SI: variants seen among roughly 807,000 people sequenced by gnomAD.
SI encodes sucrase-isomaltase, intestinal.
Under a neutral mutation model 253.3 loss-of-function variants are expected in SI, and 235 were observed. The ratio of observed to expected loss-of-function variants is 0.93; its 90% CI spans 0.83 to 1.03. The LOEUF is 1.03. SI is among the 50% of genes least tolerant of loss of function. The pLI is 0.00. For synonymous variants in SI, 819 were observed against 712.0 expected (o/e 1.15, Z -2.39); for missense variants, 2,442 against 2,211.1 (o/e 1.10, Z -2.09).
rs140287192 is a variant in SI at position 164,998,622 on chromosome 3, C to T, written c.4458G>A (p.Thr1486=). The part of the protein sequence containing the change: ...GKRGIVISRS[T]YPTSGRWGGH... ...CTCCCCATCGTCCACTAGTAGGATACGTGGAACGAGAAATTACAATCCCTC... is the reference window on the plus strand; with the variant it reads ...CTCCCCATCGTCCACTAGTAGGATATGTGGAACGAGAAATTACAATCCCTC... The change falls in exon 38 of 48, where the codon ACG becomes ACA. Residue 1486 remains threonine, a synonymous_variant. Coordinates refer to ENST00000264382, the MANE Select transcript of SI (RefSeq NM_001041.4). 1.1e-4 allele frequency: 173 copies of T among 1,609,586 alleles called. No individual in the cohort carries two copies. The highest frequency in any genetic ancestry group is 1.7e-4 in the Middle Eastern group (1 of 6,042).
intron 3 of SI, among the ~76,000 whole-genome samples, chr3:165,069,727 T>C (rs942243254): frequency 6.6e-6 from 1 of 152,036 alleles, no homozygotes; most frequent in Non-Finnish European, 1.5e-5. Flanking sequence ...GCAATAGCAT[T>C]CAATTAATAA....
chr3:165,019,621 G>A lies in SI; in HGVS notation c.3404C>T (p.Thr1135Ile), dbSNP rs1412604560. 2.1e-5 allele frequency: 34 copies of A among 1,612,318 alleles called. No individual in the cohort carries two copies. The highest frequency in any genetic ancestry group is 2.8e-5 in the Non-Finnish European group (33 of 1,178,914). ...ACCTACACCAGGGGGTTGGTCTCTT[G>A]TGAACATTCCCCAAGTATTCCAGTT... is the stretch of plus-strand genomic sequence containing the variant. Reference protein sequence around the residue: ...DLNWNTWGMFTRDQPPGYKLN... With the variant: ...DLNWNTWGMFIRDQPPGYKLN... Residue 1135 changes from threonine to isoleucine, a missense_variant, in exon 28 of 48, where the codon ACA becomes ATA. Coordinates refer to ENST00000264382, the MANE Select transcript of SI (RefSeq NM_001041.4).
At chr3:165,013,515 C>T (rs1210095889) in intron 33 of SI, among the ~76,000 whole-genome samples, 2 of 151,926 alleles carry the variant, frequency 1.3e-5, no homozygotes, top group African/African-American at 2.4e-5. Context: ...GTACTAAATC[C>T]TCCTCTCCCT....
At chr3:165,036,344 C>T (rs1173188011) in intron 22 of SI, 45 bp downstream of exon 22, 1 of 1,336,484 alleles carries the variant, frequency 7.5e-7, no homozygotes, top group Non-Finnish European at 1.1e-6. Context: ...CCAAAACTTC[C>T]CATTATCAGA....
At position 164,994,363 on chromosome 3, in the gene SI, A is replaced by C. The variant is rs1279907298; in HGVS notation, c.4735T>G (p.Ser1579Ala). 4.3e-6 allele frequency: 7 copies of C among 1,611,164 alleles called. No individual in the cohort carries two copies. Among genetic ancestry groups the C allele is most frequent in the Non-Finnish European group, 5.9e-6 (7 of 1,177,886 alleles). The change falls in exon 41 of 48, where the codon TCA becomes GCA. Residue 1579 changes from serine to alanine, a missense_variant. Physicochemically the swap from Ser to Ala is moderately conservative, Grantham distance 99. Coordinates refer to ENST00000264382, the MANE Select transcript of SI (RefSeq NM_001041.4). ...ASWNETFAEM[S>A]RNILNIRYTL... is the part of the protein sequence containing the mutation. ...TATCTAATATTTAGAATATTCCTTG[A>C]CATTTCAGCAAAAGTTTCATTCCAG...
chr3:165,033,620 G>A lies in SI; in HGVS notation c.2516-176C>T, dbSNP rs952652664. Among the ~76,000 whole-genome samples the A allele has an allele frequency of 3.3e-5, 5 of 151,406 alleles. No individual in the cohort carries two copies. The Admixed American group carries it at 3.3e-4, about 10-fold the overall frequency. ...ATTGTCTCTAAATTATATAATAATG[G>A]TATTTCATTTTCACAGCAAGTAGAG... On this transcript the variant is annotated intron_variant, in intron 22 of 47. Coordinates refer to ENST00000264382, the MANE Select transcript of SI (RefSeq NM_001041.4).
intron 22 of SI, among the ~76,000 whole-genome samples, chr3:165,035,227 A>T (rs112093247): frequency 2.0e-5 from 3 of 152,130 alleles, no homozygotes; most frequent in African/African-American, 7.2e-5. Context: ...AAAGTCAGGT[A>T]AATGGTATAA....
intron 34 of SI, among the ~76,000 whole-genome samples, chr3:165,012,077 T>C (rs141298000): frequency 5.5e-4 from 84 of 152,252 alleles, no homozygotes; most frequent in African/African-American, 1.9e-3. Flanking sequence ...TAATATCTTA[T>C]TCATTCCTTT....
chr3:165,029,124 A>C (rs1314199916), intron 25 of SI, among the ~76,000 whole-genome samples: 1 of 151,452 alleles, frequency 6.6e-6, no homozygotes, highest in Non-Finnish European at 1.5e-5. Flanking sequence ...TAAAGGCATG[A>C]ATAGACAAAT....
At chr3:165,073,221 TCTCTCTG>T in intron 3 of SI, among the ~76,000 whole-genome samples, 2 of 131,644 alleles carry the variant, frequency 1.5e-5, no homozygotes, top group African/African-American at 2.9e-5. Context: ...TCTCTCTCTC[TCTCTCTG>T]TCTCTTTCCC....
chr3:165,006,596 G>T lies in SI; in HGVS notation c.4406+220C>A, dbSNP rs564101276. On this transcript the variant is annotated intron_variant, in intron 37 of 47. Coordinates refer to ENST00000264382, the MANE Select transcript of SI (RefSeq NM_001041.4). ...TAAAAATGGTCTAGGATTTATTTTG[G>T]AATAGTATAGAAATTAGAATAATAA... Among the ~76,000 whole-genome samples the T allele has an allele frequency of 2.2e-3, 330 of 152,022 alleles. 3 individuals carry two copies. Among genetic ancestry groups the T allele is most frequent in the Non-Finnish European group, 3.7e-3 (249 of 67,998 alleles).
intron 36 of SI, among the ~76,000 whole-genome samples, chr3:165,007,564 T>C (rs1460373423): frequency 6.6e-6 from 1 of 151,966 alleles, no homozygotes; most frequent in East Asian, 1.9e-4. Context: ...TTAACATTTT[T>C]TGAATCTGGG....
At chr3:165,038,557 C>CA (rs11380597) in intron 20 of SI, among the ~76,000 whole-genome samples, 99,945 of 144,304 alleles carry the variant, frequency 0.69, 34,922 homozygotes, top group East Asian at 0.84. Context: ...AAAAAAAATT[C>CA]AAAAAAAAAA....
rs185112497 is a variant in SI at position 165,010,405 on chromosome 3, C to G, written c.4063-1010G>C. Reference sequence around the variant, plus strand: ...CAAACTCCTGACCTCAGGTGATCCACACGCCTCGGCCTCCCAAAGTGCTGG... The same window carrying G: ...CAAACTCCTGACCTCAGGTGATCCAGACGCCTCGGCCTCCCAAAGTGCTGG... On this transcript the variant is annotated intron_variant, in intron 34 of 47. Transcript: ENST00000264382. Among the ~76,000 whole-genome samples the G allele has an allele frequency of 3.6e-3, 547 of 152,290 alleles. 11 individuals carry two copies. Among genetic ancestry groups the G allele is most frequent in the Admixed American group, 0.033 (501 of 15,296 alleles).
chr3:165,020,004 A>G (rs1711514504), intron 27 of SI, among the ~76,000 whole-genome samples: 1 of 151,774 alleles, frequency 6.6e-6, no homozygotes, highest in South Asian at 2.1e-4. Flanking sequence ...ATCATAATAT[A>G]AATAATATGA....
intron 15 of SI, among the ~76,000 whole-genome samples, chr3:165,047,947 G>A (rs1368956259): frequency 2.0e-5 from 3 of 151,982 alleles, no homozygotes; most frequent in Admixed American, 2.0e-4. Context: ...AAACAATTAG[G>A]AAATGTGTAA....
chr3:165,065,450 T>C lies in SI; in HGVS notation c.636-18A>G. On this transcript the variant is annotated intron_variant, in intron 6 of 47. Coordinates refer to ENST00000264382, the MANE Select transcript of SI (RefSeq NM_001041.4). ...TGTCAAACCTGCACCATAAAAGAAA[T>C]AAAGAAATAATCTAATATATATATA... 1.0e-6 allele frequency: 1 copy of C among 954,512 alleles called. No individual in the cohort carries two copies. Among genetic ancestry groups the C allele is most frequent in the Non-Finnish European group, 1.5e-6 (1 of 669,568 alleles). The allele number at this position is 954,512 out of a possible 1,614,324, so 59.1% of individuals were successfully genotyped here. A position where few individuals can be genotyped will look rare whatever the true frequency, so the allele number is the denominator to read the frequency against.
intron 20 of SI, among the ~76,000 whole-genome samples, chr3:165,038,435 C>T (rs925889703): frequency 6.6e-5 from 10 of 151,528 alleles, no homozygotes; most frequent in Non-Finnish European, 1.3e-4. Context: ...GCAGGCCAGG[C>T]GCAGTGGCTC....
At chr3:165,016,117 A>T (rs1272563128) in intron 31 of SI, 37 bp from the exon 32 acceptor site, 1 of 1,579,072 alleles carries the variant, frequency 6.3e-7, no homozygotes, top group Non-Finnish European at 8.7e-7. Context: ...AGGGCAAAAA[A>T]TACAAAATAG....
Sources: allele counts gnomAD v4.1 joint callset (sites outside exome capture counted in the v4.1 genomes callset), GRCh38; gene constraint gnomAD v4.1.1; transcripts MANE v1.5; gene names NCBI Gene and HGNC (gene_info 2026-07-23, HGNC 2026-07-21).